BAG3: variants seen among roughly 807,000 people sequenced by gnomAD.
BAG3 encodes BAG cochaperone 3.
Under a neutral mutation model 40.5 loss-of-function variants are expected in BAG3, and 14 were observed. The ratio of observed to expected loss-of-function variants is 0.35; its 90% CI spans 0.23 to 0.54. The LOEUF (loss-of-function observed/expected upper bound fraction) is 0.54, where lower values mean the gene tolerates loss of function less well. BAG3 is among the 20% of genes least tolerant of loss of function. BAG3 has a pLI of 0.91. For missense variants in BAG3, 788 were observed against 758.6 expected (o/e 1.04, Z -0.46); for synonymous variants, 302 against 307.8 (o/e 0.98, Z 0.20).
intron 1 of BAG3, among the ~76,000 whole-genome samples, chr10:119,662,361 G>A (rs542755121): frequency 9.9e-5 from 15 of 151,812 alleles, no homozygotes; most frequent in Admixed American, 3.9e-4. Context: ...AAGCCACCAC[G>A]CCCAGTTCCA....
At chr10:119,668,545 C>G (rs777630917) in intron 1 of BAG3, among the ~76,000 whole-genome samples, 2 of 152,208 alleles carry the variant, frequency 1.3e-5, no homozygotes, top group African/African-American at 2.4e-5. Context: ...CCTCGGTGCT[C>G]GGGGACTGTT....
intron 1 of BAG3, among the ~76,000 whole-genome samples, chr10:119,663,013 T>A (rs1847014077): frequency 6.6e-6 from 1 of 152,066 alleles, no homozygotes; most frequent in Non-Finnish European, 1.5e-5. Context: ...AGACTCTGTC[T>A]CAAAAATAAA....
Position 119,677,138 on chromosome 10 carries a change from T to C in BAG3, c.1584T>C (p.Gly528=). The C allele has an allele frequency of 6.2e-7, 1 of 1,613,966 alleles. No homozygotes were observed. Among genetic ancestry groups the C allele is most frequent in the Non-Finnish European group, 8.5e-7 (1 of 1,179,994 alleles). The change falls in exon 4 of 4, where the codon GGT becomes GGC. Residue 528 remains glycine, a synonymous_variant. Transcript: ENST00000369085. ...DQPLQAIMEM[G]AVAADKGKKN... ...CACTGCAGGCAATCATGGAGATGGG[T>C]GCCGTGGCAGCAGACAAGGGCAAGA... is the stretch of plus-strand genomic sequence containing the variant.
chr10:119,675,778 T>TCCTTCCCTCCCTCCCTCCCCCTCCCTTC (rs1554877581), intron 3 of BAG3, among the ~76,000 whole-genome samples: 1 of 61,484 alleles, frequency 1.6e-5, no homozygotes, highest in Admixed American at 1.9e-4. Context: ...CCTCCTTCCC[T>TCCTTCCCTCCCTCCCTCCCCCTCCCTTC]CCCCCTCCCT....
intron 1 of BAG3, among the ~76,000 whole-genome samples, chr10:119,655,913 G>A (rs561331187): frequency 3.4e-4 from 52 of 152,216 alleles, no homozygotes; most frequent in African/African-American, 1.3e-3. Context: ...GGCCAGGGCT[G>A]GGAAGGCTTA....
chr10:119,669,710 C>A, intron 1 of BAG3, 141 bp from the exon 2 acceptor site: 1 of 868,770 alleles, frequency 1.2e-6, no homozygotes, highest in Non-Finnish European at 1.9e-6. Context: ...TTGGAGGGTA[C>A]AGGGGCTGGG....
At chr10:119,653,740 A>G (rs2134052022) in intron 1 of BAG3, among the ~76,000 whole-genome samples, 1 of 152,322 alleles carries the variant, frequency 6.6e-6, no homozygotes, top group South Asian at 2.1e-4. Flanking sequence ...TCTGAAACCC[A>G]GAGAGTTCAG....
chr10:119,669,749 A>G, intron 1 of BAG3, 102 bp from the exon 2 acceptor site: 1 of 1,221,838 alleles, frequency 8.2e-7, no homozygotes, highest in South Asian at 1.2e-5. Flanking sequence ...GGCCCAAGTC[A>G]CTCGGGAAGA....
intron 1 of BAG3, among the ~76,000 whole-genome samples, chr10:119,653,093 C>T (rs988863683): frequency 5.3e-5 from 8 of 152,196 alleles, no homozygotes; most frequent in African/African-American, 1.9e-4. Flanking sequence ...TGTATTATTT[C>T]CCTTCATCTT....
chr10:119,672,747 C>G lies in BAG3; in HGVS notation c.909+91C>G. The G allele has an allele frequency of 6.4e-7, 1 of 1,563,072 alleles. No homozygotes were observed. Among genetic ancestry groups the G allele is most frequent in the Non-Finnish European group, 8.7e-7 (1 of 1,149,636 alleles). On this transcript the variant is annotated intron_variant, in intron 3 of 3. Coordinates refer to ENST00000369085, the MANE Select transcript of BAG3 (RefSeq NM_004281.4). The surrounding 1 kb of genome is among the most constrained non-coding windows in gnomAD (Gnocchi z 4.8). ...TGGGTGCCCTGGGTTCCCCCTTCAT[C>G]CCTGCCTATTTAACATGCGTGTACC...
chr10:119,662,218 T>G (rs1385676308), intron 1 of BAG3, among the ~76,000 whole-genome samples: 1 of 113,810 alleles, frequency 8.8e-6, no homozygotes, highest in African/African-American at 3.3e-5. Context: ...TGGCTATGTT[T>G]TTTTTTTGTT....
chr10:119,655,141 A>G (rs537283880), intron 1 of BAG3, among the ~76,000 whole-genome samples: 107 of 152,264 alleles, frequency 7.0e-4, no homozygotes, highest in Non-Finnish European at 1.2e-3. Context: ...CTGAACATCT[A>G]TCCTGCAGAG....
chr10:119,669,023 A>G lies in BAG3; in HGVS notation c.181-828A>G, dbSNP rs562563100. Among the ~76,000 whole-genome samples, 11 of 152,346 alleles carry G rather than the reference A, an allele frequency of 7.2e-5. No individual in the cohort carries two copies. In the East Asian group the frequency reaches 2.1e-3, roughly 29 times the overall value. On this transcript the variant is annotated intron_variant, in intron 1 of 3. Coordinates refer to ENST00000369085, the MANE Select transcript of BAG3 (RefSeq NM_004281.4). ...GCTGACCAAACAGGATTCTTGCCGA[A>G]GACAGGCCAGGGTGATTAGACAGCA...
At chr10:119,653,403 A>G (rs753483362) in intron 1 of BAG3, among the ~76,000 whole-genome samples, 2 of 152,144 alleles carry the variant, frequency 1.3e-5, no homozygotes, top group Admixed American at 6.5e-5. Flanking sequence ...TCCTGTAGAC[A>G]TAGGGATAGT....
At chr10:119,664,735 T>G (rs1847035698) in intron 1 of BAG3, among the ~76,000 whole-genome samples, 1 of 152,342 alleles carries the variant, frequency 6.6e-6, no homozygotes, top group Non-Finnish European at 1.5e-5. Context: ...CTGGATGTGC[T>G]TGAACTTGAA....
At chr10:119,659,133 T>C (rs1412189502) in intron 1 of BAG3, among the ~76,000 whole-genome samples, 1 of 152,118 alleles carries the variant, frequency 6.6e-6, no homozygotes, top group Non-Finnish European at 1.5e-5. Context: ...GAGTGGAGGA[T>C]GTAAAGGAAC....
intron 1 of BAG3, among the ~76,000 whole-genome samples, chr10:119,660,681 AAAAT>A (rs559381028): frequency 1.3e-5 from 2 of 152,066 alleles, no homozygotes; most frequent in African/African-American, 2.4e-5. Context: ...CCTTGTCTCT[AAAAT>A]AAATAAATAA....
chr10:119,676,297 T>C (rs1360951002), intron 3 of BAG3, among the ~76,000 whole-genome samples, 167 bp from the exon 4 acceptor site: 1 of 152,132 alleles, frequency 6.6e-6, no homozygotes, highest in East Asian at 1.9e-4. Flanking sequence ...ATTAATACCA[T>C]GTTTTTATTT....
In BAG3 at chr10:119,670,121, T is replaced by C. The variant is rs2234962; in HGVS notation, c.451T>C (p.Cys151Arg). 315,246 of 1,613,424 alleles carry C rather than the reference T, an allele frequency of 0.2. 33,563 individuals carry two copies. The highest frequency in any genetic ancestry group is 0.21 in the Non-Finnish European group (253,096 of 1,179,704). Reference sequence around the variant, plus strand: ...AGAAACCACTCAGCCAGATAAACAGTGTGGACAGGTGGCAGCGGCGGCGGC... The same window carrying C: ...AGAAACCACTCAGCCAGATAAACAGCGTGGACAGGTGGCAGCGGCGGCGGC... The part of the protein sequence containing the change: ...MPETTQPDKQ[C>R]GQVAAAAAAQ... Residue 151 changes from cysteine to arginine, a missense_variant, in exon 2 of 4, where the codon TGT (cysteine) becomes CGT (arginine). By Grantham distance (180) the Cys-to-Arg change is radical (BLOSUM62 -3). Coordinates refer to ENST00000369085, the MANE Select transcript of BAG3 (RefSeq NM_004281.4).
Sources: allele counts gnomAD v4.1 joint callset (sites outside exome capture counted in the v4.1 genomes callset), GRCh38; gene constraint gnomAD v4.1.1; non-coding constraint Gnocchi (gnomAD v3.1); transcripts MANE v1.5; gene names NCBI Gene and HGNC (gene_info 2026-07-23, HGNC 2026-07-21).